The following ABCB4 variants were observed in gnomAD, a reference collection of about 807,000 sequenced individuals.
ABCB4 encodes the protein phosphatidylcholine translocator ABCB4.
Under a neutral mutation model 145.7 loss-of-function variants are expected in ABCB4, and 76 were observed. That is an observed-to-expected ratio of 0.52 (90% CI 0.43 to 0.63). ABCB4 has a LOEUF of 0.63. ABCB4 is among the 30% of genes least tolerant of loss of function. The pLI, the probability that ABCB4 is intolerant of heterozygous loss-of-function variation, is 0.00. For missense variants in ABCB4, 1,234 were observed against 1,553.1 expected (o/e 0.79, Z 3.45); for synonymous variants, 517 against 566.8 (o/e 0.91, Z 1.25).
intron 21 of ABCB4, 95 bp from the exon 22 acceptor site, chr7:87,413,812 G>C: frequency 1.2e-6 from 1 of 856,446 alleles, no homozygotes; most frequent in South Asian, 1.3e-5. Flanking sequence ...TATCCTGAAG[G>C]TTACGTTGAT....
At chr7:87,390,038 T>C in the ABCB4 span, among the ~76,000 whole-genome samples, 79 of 152,326 alleles carry the variant, frequency 5.2e-4, no homozygotes, top group African/African-American at 1.8e-3. Context: ...TTTGATTTGA[T>C]GAAGAAACTG....
the ABCB4 span, among the ~76,000 whole-genome samples, chr7:87,380,785 T>C: frequency 6.6e-6 from 1 of 152,232 alleles, no homozygotes; most frequent in South Asian, 2.1e-4. Flanking sequence ...AGTTGGAAAC[T>C]GATGCTGTTT....
At chr7:87,394,313 G>A in the ABCB4 span, among the ~76,000 whole-genome samples, 2 of 152,114 alleles carry the variant, frequency 1.3e-5, no homozygotes, top group African/African-American at 4.8e-5. Flanking sequence ...CACAAAAAGT[G>A]ATCTTTCGTG....
Position 87,447,071 on chromosome 7 carries a change from A to C in ABCB4, c.968T>G (p.Val323Gly). The C allele has an allele frequency of 6.2e-7, 1 of 1,613,662 alleles. No homozygotes were observed. Among genetic ancestry groups the C allele is most frequent in the Non-Finnish European group, 8.5e-7 (1 of 1,179,628 alleles). ...ALAFWYGSTLVISKEYTIGNA... is the reference protein window; with the variant it reads ...ALAFWYGSTLGISKEYTIGNA... ...TCCAATAGTATATTCTTTTGATATG[A>C]CTAGAGTGGATCCATACCAGAAGGC... is the stretch of plus-strand genomic sequence containing the variant. The change falls in exon 9 of 28, where the codon GTC becomes GGC. Residue 323 changes from valine to glycine, a missense_variant. Physicochemically the swap from Val to Gly is moderately radical, Grantham distance 109. Around this residue, in one of 7 missense-constraint regions of ABCB4, gnomAD observed 467 missense variants for 632.8 expected, o/e 0.74. Transcript: ENST00000649586.
At chr7:87,419,029 A>G (rs562438571) in intron 19 of ABCB4, among the ~76,000 whole-genome samples, 1 of 152,322 alleles carries the variant, frequency 6.6e-6, no homozygotes, top group South Asian at 2.1e-4. Context: ...TCTAGGCAGG[A>G]GAAAATAAGC....
At chr7:87,391,078 G>T in the ABCB4 span, among the ~76,000 whole-genome samples, 1 of 152,212 alleles carries the variant, frequency 6.6e-6, no homozygotes, top group Admixed American at 6.5e-5. Context: ...GTAGCATTCA[G>T]TTCCTCCCTA....
intron 4 of ABCB4, among the ~76,000 whole-genome samples, chr7:87,460,340 T>C (rs1305157680): frequency 6.6e-6 from 1 of 152,174 alleles, no homozygotes; most frequent in Non-Finnish European, 1.5e-5. Flanking sequence ...TTCTGTTACA[T>C]GGGGATACTG....
the ABCB4 span, among the ~76,000 whole-genome samples, chr7:87,386,054 G>A: frequency 6.6e-6 from 1 of 152,156 alleles, no homozygotes; most frequent in African/African-American, 2.4e-5. Flanking sequence ...ATGTGCTGTT[G>A]AGTTCAGTTT....
chr7:87,401,875 G>A lies in ABCB4; in HGVS notation c.*221C>T. On this transcript the variant is annotated 3_prime_UTR_variant, in exon 28 of 28. Coordinates refer to ENST00000649586, the MANE Select transcript of ABCB4 (RefSeq NM_000443.4). ...TTCTGGATGTTTCTAATAACTTAGG[G>A]AGAGCTAGCCTGTTGTTTCAATACT... The A allele has an allele frequency of 1.4e-6, 1 of 699,522 alleles. No homozygotes were observed. The allele number at this position is 699,522 out of a possible 1,614,324, so 43.3% of individuals were successfully genotyped here.
At chr7:87,459,026 G>T (rs987616783) in intron 4 of ABCB4, among the ~76,000 whole-genome samples, 2 of 147,902 alleles carry the variant, frequency 1.4e-5, no homozygotes, top group Non-Finnish European at 3.0e-5. Context: ...AAATAAGAAA[G>T]TTGGGAATTA....
intron 3 of ABCB4, among the ~76,000 whole-genome samples, chr7:87,472,410 G>A (rs1188446918): frequency 6.6e-6 from 1 of 151,994 alleles, no homozygotes; most frequent in Non-Finnish European, 1.5e-5. Context: ...ATTTTGTAGA[G>A]ATGAGATCTC....
chr7:87,400,519 T>C (rs909049049), downstream of ABCB4, among the ~76,000 whole-genome samples: 2 of 152,222 alleles, frequency 1.3e-5, no homozygotes, highest in African/African-American at 4.8e-5. Flanking sequence ...GATACATTTC[T>C]TCACAGTTGG....
In ABCB4 at chr7:87,418,601, T is replaced by C; in HGVS notation, c.2414A>G (p.Asp805Gly). ...AAGTGCACCAGTACTGTTTTTATGG[T>C]CATCAAACCAGCTCATGTCCTATGG... The part of the protein sequence containing the change: ...MLRQDMSWFD[D>G]HKNSTGALST... Residue 805 changes from aspartate to glycine, a missense_variant, in exon 20 of 28, where the codon GAC becomes GGC. By Grantham distance (94) the Asp-to-Gly change is moderately conservative. Coordinates refer to ENST00000649586, the MANE Select transcript of ABCB4 (RefSeq NM_000443.4). The C allele has an allele frequency of 6.2e-7, 1 of 1,614,168 alleles. No individual in the cohort carries two copies. The highest frequency in any genetic ancestry group is 8.5e-7 in the Non-Finnish European group (1 of 1,180,000).
intron 10 of ABCB4, 30 bp from the exon 11 acceptor site, chr7:87,443,803 C>T (rs1811157255): frequency 2.0e-6 from 3 of 1,528,342 alleles, no homozygotes; most frequent in African/African-American, 1.4e-5. Flanking sequence ...ATGACTATTC[C>T]ATCATAGCAC....
intron 12 of ABCB4, among the ~76,000 whole-genome samples, chr7:87,442,723 G>C (rs1267508965): frequency 6.6e-6 from 1 of 151,936 alleles, no homozygotes; most frequent in Non-Finnish European, 1.5e-5. Flanking sequence ...TCTAAATCTG[G>C]GTGAAGGATC....
chr7:87,469,480 C>T lies in ABCB4; in HGVS notation c.135+3141G>A, dbSNP rs564889421. ...CTGTATATCTAGAAAACCCCATTGT[C>T]TCAGCCCAAAGCCTCCTTAAGCTGA... On this transcript the variant is annotated intron_variant, in intron 3 of 27. Transcript: ENST00000649586. Among the ~76,000 whole-genome samples the T allele has an allele frequency of 2.0e-3, 306 of 152,294 alleles. 2 individuals carry two copies. Among genetic ancestry groups the T allele is most frequent in the African/African-American group, 6.8e-3 (282 of 41,540 alleles).
intron 3 of ABCB4, among the ~76,000 whole-genome samples, chr7:87,468,844 T>C (rs1813126763): frequency 6.6e-6 from 1 of 151,884 alleles, no homozygotes; most frequent in South Asian, 2.1e-4. Context: ...GGCAGGAGAA[T>C]GGCGTGAACC....
chr7:87,430,134 C>T (rs887430023), intron 15 of ABCB4, among the ~76,000 whole-genome samples: 1 of 151,976 alleles, frequency 6.6e-6, no homozygotes. Flanking sequence ...TTTTGACAAC[C>T]TTTTTTGATC....
rs886062460 is a variant in ABCB4, at chr7:87,431,439, T to C, written c.1858A>G (p.Lys620Glu). ...ACAAGTTTGAAGTACACCCCTTCCT[T>C]CTTCATCAGTTCGCTGTGGCTTCCT... ...EQGSHSELMK[K>E]EGVYFKLVNM... Residue 620 changes from lysine to glutamate, a missense_variant, in exon 15 of 28, where the codon AAG becomes GAG. Lys to Glu is a moderately conservative substitution (Grantham distance 56). This residue lies in a region of ABCB4 where 321 missense variants were observed against 332.6 expected (regional missense o/e 0.97). Coordinates refer to ENST00000649586, the MANE Select transcript of ABCB4 (RefSeq NM_000443.4). 8.1e-6 allele frequency: 13 copies of C among 1,614,096 alleles called. No individual in the cohort carries two copies. The highest frequency in any genetic ancestry group is 1.1e-5 in the Non-Finnish European group (13 of 1,179,974).
Sources: gnomAD v4.1 joint callset for allele counts (sites outside exome capture counted in the v4.1 genomes callset) on GRCh38, gnomAD v4.1.1 for gene constraint, gnomAD v4.1.1 regional missense constraint, MANE v1.5 for transcripts, NCBI Gene and HGNC (gene_info 2026-07-23, HGNC 2026-07-21) for gene names.